CABCOCO1: variants seen among roughly 807,000 people sequenced by gnomAD.
CABCOCO1 encodes the protein ciliary associated calcium binding coiled-coil 1, also known as ciliary-associated calcium-binding coiled-coil protein 1.
In CABCOCO1, 28 loss-of-function variants were observed where a neutral mutation model predicts 35.7. The ratio of observed to expected loss-of-function variants is 0.78; its 90% CI spans 0.58 to 1.07. The LOEUF is 1.07. Ranked by LOEUF, CABCOCO1 falls within the 50% of genes least tolerant of loss-of-function variation. CABCOCO1 has a pLI of 0.00. For synonymous variants in CABCOCO1, 95 were observed against 100.1 expected, an observed-to-expected ratio of 0.95 and a Z score of 0.30; for missense variants, 326 against 309.2, an observed-to-expected ratio of 1.05 and a Z score of -0.41.
chr10:61,723,299 TA>T (rs1298500648), intron 5 of CABCOCO1, among the ~76,000 whole-genome samples: 4 of 152,252 alleles, frequency 2.6e-5, no homozygotes, highest in African/African-American at 9.6e-5. Flanking sequence ...ACATTACTGA[TA>T]GGGGCTTTTA....
At position 61,696,964 on chromosome 10, in the gene CABCOCO1, A is replaced by T. The variant is rs1453516344; in HGVS notation, c.552+6343A>T. Among the ~76,000 whole-genome samples the T allele has an allele frequency of 2.0e-5, 3 of 152,162 alleles. No homozygotes were observed. In the East Asian group the frequency reaches 5.8e-4, roughly 29 times the overall value. ...AATAGTTATCAAGGACCTGCAAAAA[A>T]TATGTATTTCTTAAATATAAGATTA... On this transcript the variant is annotated intron_variant, in intron 5 of 7. Coordinates refer to ENST00000648843, the MANE Select transcript of CABCOCO1 (RefSeq NM_001366906.2).
intron 3 of CABCOCO1, among the ~76,000 whole-genome samples, chr10:61,685,818 C>T (rs938632974): frequency 1.3e-5 from 2 of 152,210 alleles, no homozygotes; most frequent in African/African-American, 2.4e-5. Flanking sequence ...CCACCTTGGC[C>T]TCCCAAAGTG....
intron 2 of CABCOCO1, among the ~76,000 whole-genome samples, chr10:61,676,739 T>C (rs902982049): frequency 1.3e-5 from 2 of 152,000 alleles, no homozygotes; most frequent in Non-Finnish European, 2.9e-5. Flanking sequence ...AGAAATCCAA[T>C]CTAATGAATA....
At chr10:61,731,745 AAGGG>A (rs1432277566) in intron 5 of CABCOCO1, among the ~76,000 whole-genome samples, 1 of 121,590 alleles carries the variant, frequency 8.2e-6, no homozygotes, top group African/African-American at 3.1e-5. Context: ...GGGAGGGAGG[AAGGG>A]AGGGAGGACA....
chr10:61,708,984 A>G (rs1840661101), intron 5 of CABCOCO1, among the ~76,000 whole-genome samples: 1 of 152,138 alleles, frequency 6.6e-6, no homozygotes, highest in South Asian at 2.1e-4. Flanking sequence ...CATTTCTTTA[A>G]AAAACCTCCC....
intron 5 of CABCOCO1, among the ~76,000 whole-genome samples, chr10:61,712,273 T>C (rs1208314911): frequency 6.6e-6 from 1 of 152,230 alleles, no homozygotes; most frequent in Non-Finnish European, 1.5e-5. Flanking sequence ...GATGAGCATT[T>C]TTTCACGTGT....
chr10:61,699,708 C>A (rs1840399369), intron 5 of CABCOCO1, among the ~76,000 whole-genome samples: 1 of 151,996 alleles, frequency 6.6e-6, no homozygotes. Context: ...TCTTACATTA[C>A]CTTTTACTTG....
chr10:61,750,965 G>A (rs1016960409), intron 5 of CABCOCO1, among the ~76,000 whole-genome samples: 1 of 152,162 alleles, frequency 6.6e-6, no homozygotes, highest in African/African-American at 2.4e-5. Context: ...CTACCTGGCT[G>A]TCACTCAAGG....
chr10:61,719,069 C>CT (rs1350998342), intron 5 of CABCOCO1, among the ~76,000 whole-genome samples: 1 of 152,172 alleles, frequency 6.6e-6, no homozygotes, highest in Non-Finnish European at 1.5e-5. Context: ...GGTATATTTA[C>CT]TAATGGAATA....
At chr10:61,667,658 C>T (rs1406996850) in intron 1 of CABCOCO1, among the ~76,000 whole-genome samples, 1 of 151,570 alleles carries the variant, frequency 6.6e-6, no homozygotes, top group Non-Finnish European at 1.5e-5. Flanking sequence ...AAGTTTTTAC[C>T]TTTTCTGTTT....
intron 5 of CABCOCO1, among the ~76,000 whole-genome samples, chr10:61,749,947 A>G (rs1479497292): frequency 6.7e-6 from 1 of 150,340 alleles, no homozygotes; most frequent in Admixed American, 6.7e-5. Flanking sequence ...AACACAGAGT[A>G]AGTTCTCAAT....
chr10:61,733,158 G>A (rs150609475), intron 5 of CABCOCO1, among the ~76,000 whole-genome samples: 5 of 151,944 alleles, frequency 3.3e-5, no homozygotes, highest in African/African-American at 1.2e-4. Context: ...TAATACATGC[G>A]TTTATCTGTT....
At chr10:61,691,586 T>A (rs1443904750) in intron 5 of CABCOCO1, among the ~76,000 whole-genome samples, 7 of 152,182 alleles carry the variant, frequency 4.6e-5, no homozygotes, top group Middle Eastern at 3.2e-3. Context: ...GGTGGTTTGC[T>A]GCACCCATCA....
chr10:61,750,393 T>C (rs1841754657), intron 5 of CABCOCO1, among the ~76,000 whole-genome samples: 1 of 152,120 alleles, frequency 6.6e-6, no homozygotes, highest in Non-Finnish European at 1.5e-5. Context: ...CTGGCCAACA[T>C]GGTGAAGCAC....
chr10:61,705,195 T>C (rs1017423943), intron 5 of CABCOCO1, among the ~76,000 whole-genome samples: 2 of 152,200 alleles, frequency 1.3e-5, no homozygotes, highest in East Asian at 3.8e-4. Flanking sequence ...GAGACAGACA[T>C]TGGACTCCCT....
chr10:61,664,494 C>A (rs1564526491), intron 1 of CABCOCO1, among the ~76,000 whole-genome samples: 1 of 152,040 alleles, frequency 6.6e-6, no homozygotes, highest in Non-Finnish European at 1.5e-5. Flanking sequence ...GATGAATGAG[C>A]TAGTTATAGA....
chr10:61,711,642 A>G (rs764376197), intron 5 of CABCOCO1, among the ~76,000 whole-genome samples: 42 of 152,156 alleles, frequency 2.8e-4, no homozygotes, highest in Non-Finnish European at 5.4e-4. Flanking sequence ...TGACATTTAT[A>G]TAAGGAGAAC....
intron 5 of CABCOCO1, among the ~76,000 whole-genome samples, chr10:61,693,192 G>C (rs1011650018): frequency 2.0e-5 from 3 of 152,032 alleles, no homozygotes; most frequent in African/African-American, 7.2e-5. Flanking sequence ...ATGATACTGG[G>C]GCTTCAAGAA....
chr10:61,689,059 G>A (rs890041525), intron 4 of CABCOCO1, among the ~76,000 whole-genome samples: 14 of 152,144 alleles, frequency 9.2e-5, no homozygotes, highest in African/African-American at 3.4e-4. Context: ...AAAGAATAAG[G>A]CTGAAAGATT....
Sources: allele counts gnomAD v4.1 joint callset (sites outside exome capture counted in the v4.1 genomes callset), GRCh38; gene constraint gnomAD v4.1.1; transcripts MANE v1.5; gene names NCBI Gene and HGNC (gene_info 2026-07-23, HGNC 2026-07-21).